Variants in DOCK1 observed in about 807,000 individuals in gnomAD.
DOCK1 encodes dedicator of cytokinesis 1, also known as dedicator of cytokinesis protein 1.
A neutral mutation model predicts 262.7 loss-of-function variants in DOCK1; 138 were observed. The observed-to-expected ratio is 0.53, with a 90% CI of 0.46 to 0.61. The LOEUF (loss-of-function observed/expected upper bound fraction) is 0.61, where lower values mean the gene tolerates loss of function less well. Ranked by LOEUF, DOCK1 falls within the 20% of genes least tolerant of loss-of-function variation. DOCK1 has a pLI of 0.00. For synonymous variants in DOCK1, 866 were observed against 867.4 expected (o/e 1.00, Z 0.03); for missense variants, 1,908 against 2,370.7 (o/e 0.80, Z 4.05).
intron 30 of DOCK1, 51 bp from the exon 31 acceptor site, chr10:127,343,595 C>G: frequency 1.5e-6 from 2 of 1,370,896 alleles, no homozygotes; most frequent in Middle Eastern, 1.8e-4. Flanking sequence ...TTGTTGAGAT[C>G]CTATATCAAG....
intron 23 of DOCK1, among the ~76,000 whole-genome samples, chr10:127,064,650 C>T (rs893846732): frequency 1.3e-5 from 2 of 152,212 alleles, no homozygotes; most frequent in African/African-American, 2.4e-5. Flanking sequence ...TCCCCAGGCG[C>T]CCGCCGTGCC....
At position 127,349,772 on chromosome 10, in the gene DOCK1, G is replaced by A. The variant is rs79865326; in HGVS notation, c.3225-4897G>A. ...TCTCCTGGCTTCCGGTGGCTGCCCCGGTCTTTGGCATTCCGTGGCTTGTGG... is the reference window on the plus strand; with the variant it reads ...TCTCCTGGCTTCCGGTGGCTGCCCCAGTCTTTGGCATTCCGTGGCTTGTGG... On this transcript the variant is annotated intron_variant, in intron 31 of 51. Transcript: ENST00000623213. 7.1e-3 allele frequency among the ~76,000 whole-genome samples: 1,082 copies of A among 152,178 alleles called. 9 individuals are homozygous for A. The highest frequency in any genetic ancestry group is 0.024 in the African/African-American group (1,014 of 41,504).
chr10:127,312,134 C>T (rs899436191), intron 29 of DOCK1, among the ~76,000 whole-genome samples: 4 of 152,136 alleles, frequency 2.6e-5, no homozygotes, highest in African/African-American at 9.7e-5. Context: ...GGCATTCTGT[C>T]ATGAACCCAG....
intron 33 of DOCK1, among the ~76,000 whole-genome samples, chr10:127,369,776 T>C (rs1230281570): frequency 1.3e-5 from 2 of 152,196 alleles, no homozygotes; most frequent in Non-Finnish European, 2.9e-5. Flanking sequence ...TGGAGGTTTT[T>C]GAATGTGGGA....
At chr10:127,293,391 G>A (rs2061408137) in intron 29 of DOCK1, among the ~76,000 whole-genome samples, 1 of 152,218 alleles carries the variant, frequency 6.6e-6, no homozygotes, top group Non-Finnish European at 1.5e-5. Flanking sequence ...CTCCTTACCT[G>A]TGGCTGGTGC....
chr10:127,433,550 CTT>C, intron 48 of DOCK1, 122 bp downstream of exon 48: 1 of 1,313,800 alleles, frequency 7.6e-7, no homozygotes, highest in African/African-American at 1.5e-5. Context: ...TCAAAATTAT[CTT>C]TGAAACTGAG....
At chr10:127,024,633 G>A in intron 14 of DOCK1, 52 bp from the exon 15 acceptor site, 1 of 1,464,358 alleles carries the variant, frequency 6.8e-7, no homozygotes, top group Non-Finnish European at 9.4e-7. Context: ...AGATGTATAT[G>A]GTGTCAAGCT....
chr10:126,943,365 A>T (rs2134271898), intron 1 of DOCK1, among the ~76,000 whole-genome samples: 1 of 152,336 alleles, frequency 6.6e-6, no homozygotes, highest in South Asian at 2.1e-4. Context: ...CTGGAACCAA[A>T]CTGCTTGGGA....
At chr10:127,101,486 G>C (rs1201665507) in intron 23 of DOCK1, among the ~76,000 whole-genome samples, 1 of 152,158 alleles carries the variant, frequency 6.6e-6, no homozygotes, top group African/African-American at 2.4e-5. Flanking sequence ...AATCATCTTG[G>C]TCGGTTAAGC....
chr10:127,359,669 T>C (rs563102339), intron 32 of DOCK1, among the ~76,000 whole-genome samples: 2 of 152,370 alleles, frequency 1.3e-5, no homozygotes, highest in East Asian at 3.9e-4. Context: ...ATATTAATTA[T>C]TTAGTAAAAG....
intron 27 of DOCK1, among the ~76,000 whole-genome samples, chr10:127,190,917 C>T (rs954974439): frequency 7.2e-5 from 11 of 152,166 alleles, no homozygotes; most frequent in Non-Finnish European, 1.5e-4. Flanking sequence ...TGGTTTGCCT[C>T]TAGTTATACC....
At chr10:127,359,494 A>C (rs1022167169) in intron 32 of DOCK1, among the ~76,000 whole-genome samples, 1 of 152,216 alleles carries the variant, frequency 6.6e-6, no homozygotes, top group Non-Finnish European at 1.5e-5. Flanking sequence ...GTTTTCTGAA[A>C]CATTGGCTCT....
intron 29 of DOCK1, among the ~76,000 whole-genome samples, chr10:127,290,784 G>A (rs1380446014): frequency 6.6e-6 from 1 of 152,166 alleles, no homozygotes; most frequent in Admixed American, 6.5e-5. Context: ...TTACTGAGTA[G>A]TATCCCATAA....
At chr10:127,083,424 C>G (rs1466824970) in intron 23 of DOCK1, among the ~76,000 whole-genome samples, 3 of 152,156 alleles carry the variant, frequency 2.0e-5, no homozygotes, top group Non-Finnish European at 2.9e-5. Flanking sequence ...CCACCCTTTG[C>G]TTTGTTAGTT....
Position 127,125,506 on chromosome 10 carries a change from G to T in DOCK1, c.2656G>T (p.Asp886Tyr), listed in dbSNP as rs763260338. The T allele has an allele frequency of 1.2e-6, 2 of 1,613,636 alleles. No homozygotes were observed. Among genetic ancestry groups the T allele is most frequent in the Non-Finnish European group, 8.5e-7 (1 of 1,179,848 alleles). Residue 886 changes from aspartate to tyrosine, a missense_variant, in exon 26 of 52, where the codon GAT (aspartate) becomes TAT (tyrosine). Around this residue, in one of 9 missense-constraint regions of DOCK1, gnomAD observed 518 missense variants for 575.1 expected, o/e 0.90. Coordinates refer to ENST00000623213, the MANE Select transcript of DOCK1 (RefSeq NM_001290223.2). ...AGAGATCCTGCTTCCCATGATGACC[G>T]ATCAGCTCAAGTACCATCTGGAGAG... is the stretch of plus-strand genomic sequence containing the variant. ...CREILLPMMT[D>Y]QLKYHLERQE...
At chr10:127,284,643 T>TG (rs1212067182) in intron 29 of DOCK1, among the ~76,000 whole-genome samples, 2 of 152,198 alleles carry the variant, frequency 1.3e-5, no homozygotes, top group African/African-American at 4.8e-5. Flanking sequence ...TCCCAACACT[T>TG]TGGAAAGCCA....
intron 21 of DOCK1, among the ~76,000 whole-genome samples, chr10:127,049,221 A>G (rs1232637320): frequency 6.6e-6 from 1 of 152,212 alleles, no homozygotes; most frequent in Admixed American, 6.5e-5. Context: ...TTAGGGTCTT[A>G]TCAAAAAGTC....
At chr10:127,048,674 C>T (rs951154325) in intron 21 of DOCK1, among the ~76,000 whole-genome samples, 1 of 152,186 alleles carries the variant, frequency 6.6e-6, no homozygotes, top group Non-Finnish European at 1.5e-5. Flanking sequence ...CAATTACTTC[C>T]GCAGTTGTGC....
At chr10:126,993,745 C>T (rs1213205365) in intron 6 of DOCK1, among the ~76,000 whole-genome samples, 1 of 152,190 alleles carries the variant, frequency 6.6e-6, no homozygotes, top group Non-Finnish European at 1.5e-5. Flanking sequence ...GGTCCTCCTG[C>T]TTCACTGTCA....
Sources: gnomAD v4.1 joint callset for allele counts (sites outside exome capture counted in the v4.1 genomes callset) on GRCh38, gnomAD v4.1.1 for gene constraint, gnomAD v4.1.1 regional missense constraint, MANE v1.5 for transcripts, NCBI Gene and HGNC (gene_info 2026-07-23, HGNC 2026-07-21) for gene names.